Variants in LDB1 observed in about 807,000 individuals in gnomAD.
The protein encoded by LDB1 is LIM domain binding 1.
LDB1 carries 6 observed loss-of-function variants against 49.7 expected under a neutral mutation model. The ratio of observed to expected loss-of-function variants is 0.12; its 90% CI spans 0.07 to 0.24. LDB1 has a LOEUF of 0.24. Ranked by LOEUF, LDB1 falls within the 10% of genes least tolerant of loss-of-function variation. The pLI, the probability that LDB1 is intolerant of heterozygous loss-of-function variation, is 1.00. For missense variants in LDB1, 341 were observed against 561.7 expected (o/e 0.61, Z 3.97); for synonymous variants, 233 against 202.0 (o/e 1.15, Z -1.30).
At chr10:102,108,450 G>A (rs982204676) in intron 10 of LDB1, 127 bp from the exon 11 acceptor site, 28 of 664,506 alleles carry the variant, frequency 4.2e-5, no homozygotes, top group African/African-American at 3.7e-4. Flanking sequence ...CCTCATACCC[G>A]AATTTAAAAC....
Position 102,111,066 on chromosome 10 carries a change from T to A in LDB1, c.249+3A>T. On this transcript the variant is annotated splice_donor_region_variant and intron_variant, in intron 4 of 10. Coordinates refer to ENST00000673968, the MANE Select transcript of LDB1 (RefSeq NM_001113407.3). ...CTCCCAGCCCCTTTTCCCTTGGCCA[T>A]ACCTCTGTCCAGTTCTGAAGCCGTT... 1 of 1,613,810 alleles carries A rather than the reference T, an allele frequency of 6.2e-7. No individual in the cohort carries two copies. The highest frequency in any genetic ancestry group is 8.5e-7 in the Non-Finnish European group (1 of 1,179,670).
Position 102,120,183 on chromosome 10 carries a change from AGCC to A in LDB1, c.-76_-74del, listed in dbSNP as rs898836319. 2.5e-5 allele frequency: 28 copies of A among 1,141,834 alleles called. No individual in the cohort carries two copies. Among genetic ancestry groups the A allele is most frequent in the Admixed American group, 9.8e-5 (2 of 20,390 alleles). The allele number at this position is 1,141,834 out of a possible 1,614,324, so 70.7% of individuals were successfully genotyped here. A position where few individuals can be genotyped will look rare whatever the true frequency, so the allele number is the denominator to read the frequency against. ...CCCTCGCGGGGACAGGCCGGGCATGAGCCGCCGCCGCCGCCCGCGGCCCCCGCT... is the reference window on the plus strand; with the variant it reads ...CCCTCGCGGGGACAGGCCGGGCATGAGCCGCCGCCGCCCGCGGCCCCCGCT... On this transcript the variant is annotated 5_prime_UTR_variant, in exon 1 of 11. Coordinates refer to ENST00000673968, the MANE Select transcript of LDB1 (RefSeq NM_001113407.3).
Position 102,107,977 on chromosome 10 carries a change from G to T in LDB1, c.*116C>A. ...GAGAGTCCAGTTCCTCCCTGAAGCGGGTGGATGGAGGCTGCCCATTTTAGA... is the reference window on the plus strand; with the variant it reads ...GAGAGTCCAGTTCCTCCCTGAAGCGTGTGGATGGAGGCTGCCCATTTTAGA... On this transcript the variant is annotated 3_prime_UTR_variant, in exon 11 of 11. Transcript: ENST00000673968. 1.2e-6 allele frequency: 1 copy of T among 845,020 alleles called. No individual in the cohort carries two copies. The highest frequency in any genetic ancestry group is 1.9e-6 in the Non-Finnish European group (1 of 517,638). The allele number at this position is 845,020 out of a possible 1,614,324, so 52.3% of individuals were successfully genotyped here.
In LDB1 at chr10:102,117,352, A is replaced by C. The variant is rs1020014948; in HGVS notation, c.25+2734T>G. Among the ~76,000 whole-genome samples, 1 of 152,226 alleles carries C rather than the reference A, an allele frequency of 6.6e-6. No individual in the cohort carries two copies. The highest frequency in any genetic ancestry group is 1.5e-5 in the Non-Finnish European group (1 of 68,034). ...GCTCTGACCAGATTTACCCAGTTGC[A>C]CAGGGGCAGAACAGGTCCAGCTAAA... On this transcript the variant is annotated intron_variant, in intron 1 of 10. Coordinates refer to ENST00000673968, the MANE Select transcript of LDB1 (RefSeq NM_001113407.3). The surrounding 1 kb of genome is among the most constrained non-coding windows in gnomAD (Gnocchi z 4.2).
At position 102,110,990 on chromosome 10, in the gene LDB1, G is replaced by A. The variant is rs1192224998; in HGVS notation, c.250-19C>T. On this transcript the variant is annotated intron_variant, in intron 4 of 10. Transcript: ENST00000673968. ...CACACTCCTAGGGAGCATGGTAACG[G>A]GTGTTCATGTGTCATAAGATATCCC... 6.2e-7 allele frequency: 1 copy of A among 1,612,062 alleles called. No individual in the cohort carries two copies. The highest frequency in any genetic ancestry group is 1.7e-5 in the Admixed American group (1 of 60,000).
rs188642585 is a variant in LDB1, at chr10:102,110,001, C to T, written c.568G>A (p.Asp190Asn). 7 of 1,613,446 alleles carry T rather than the reference C, an allele frequency of 4.3e-6. No individual in the cohort carries two copies. In the Admixed American group the frequency reaches 8.3e-5, roughly 19 times the overall value. Residue 190 changes from aspartate (D) to asparagine (N), a missense_variant, in exon 7 of 11, where the codon GAC (aspartate) becomes AAC (asparagine). Transcript: ENST00000673968. ...GRLYLEFMFD[D>N]MMRIKTWHFS... Reference sequence around the variant, plus strand: ...TGCCACGTCTTTATCCGCATCATGTCGTCAAACATGAACTCCAGGTACAAC... The same window carrying T: ...TGCCACGTCTTTATCCGCATCATGTTGTCAAACATGAACTCCAGGTACAAC...
At position 102,109,624 on chromosome 10, in the gene LDB1, G is replaced by A. The variant is rs2068220478; in HGVS notation, c.708C>T (p.Ser236=). The change falls in exon 8 of 11, where the codon TCC becomes TCT. Residue 236 remains serine (S), a synonymous_variant. Transcript: ENST00000673968. This position sits in a 1 kb window ranked among gnomAD's most constrained non-coding sequence, Gnocchi z 5.8. ...LSKNITRCGL[S]NSTLNYLRLC... is the part of the protein sequence containing the mutation. ...CTCGGAGGTAGTTGAGAGTGGAATT[G>A]GACAGCCCACACCGAGTGATGTTTT... 1 of 1,614,068 alleles carries A rather than the reference G, an allele frequency of 6.2e-7. No homozygotes were observed. Among genetic ancestry groups the A allele is most frequent in the Non-Finnish European group, 8.5e-7 (1 of 1,179,994 alleles).
Position 102,110,900 on chromosome 10 carries a change from A to G in LDB1, c.321T>C (p.Thr107=). The G allele has an allele frequency of 6.2e-7, 1 of 1,614,082 alleles. No homozygotes were observed. Among genetic ancestry groups the G allele is most frequent in the Non-Finnish European group, 8.5e-7 (1 of 1,179,992 alleles). Residue 107 remains threonine, a synonymous_variant, in exon 5 of 11, where the codon ACT becomes ACC. Transcript: ENST00000673968. ...TCTTTGGTCCATCCTCCAGGCAGAA[A>G]GTGATGGTCAACATGGCATCATCCT... is the stretch of plus-strand genomic sequence containing the variant. The part of the protein sequence containing the change: ...FFEDDAMLTI[T]FCLEDGPKRY...
In LDB1 at chr10:102,109,775, A is replaced by G; in HGVS notation, c.649-92T>C. The stretch of plus-strand genomic sequence containing the variant: ...ATCTGAGCATTGTGACACTCCTGAG[A>G]GAGGATAGTCTCTTATTAAACCTGC... On this transcript the variant is annotated intron_variant, in intron 7 of 10. Coordinates refer to ENST00000673968, the MANE Select transcript of LDB1 (RefSeq NM_001113407.3). This position sits in a 1 kb window ranked among gnomAD's most constrained non-coding sequence, Gnocchi z 5.8. 1 of 1,542,870 alleles carries G rather than the reference A, an allele frequency of 6.5e-7. No individual in the cohort carries two copies. Among genetic ancestry groups the G allele is most frequent in the Non-Finnish European group, 8.9e-7 (1 of 1,117,756 alleles).
At chr10:102,103,684 C>CG (rs1564908347), downstream of LDB1, among the ~76,000 whole-genome samples, 1 of 151,926 alleles carries the variant, frequency 6.6e-6, no homozygotes, top group Non-Finnish European at 1.5e-5. Context: ...CATGGTGGTG[C>CG]GCACCTGTAG....
intron 1 of LDB1, among the ~76,000 whole-genome samples, chr10:102,119,620 T>C (rs2068383769): frequency 6.6e-6 from 1 of 150,990 alleles, no homozygotes; most frequent in Admixed American, 6.6e-5. Flanking sequence ...CCGCAATCAA[T>C]ACCTCCCTGC....
At chr10:102,102,696 G>T (rs2068129588), downstream of LDB1, among the ~76,000 whole-genome samples, 1 of 152,182 alleles carries the variant, frequency 6.6e-6, no homozygotes, top group African/African-American at 2.4e-5. Context: ...ATGACCTTAG[G>T]GTGGGGGTTA....
In LDB1 at chr10:102,120,341, C is replaced by T; in HGVS notation, c.-231G>A. On this transcript the variant is annotated 5_prime_UTR_variant, in exon 1 of 11. Transcript: ENST00000673968. ...AAGGCGAGCGGCCTCTGCGTGTGTG[C>T]GCGCGGGTGTGAGTCCGCGGAGTGT... The T allele has an allele frequency of 1.0e-6, 1 of 984,406 alleles. No homozygotes were observed. Among genetic ancestry groups the T allele is most frequent in the South Asian group, 4.7e-5 (1 of 21,286 alleles). 61.0% of individuals were successfully genotyped at this position (984,406 alleles called of 1,614,324 possible). A position where few individuals can be genotyped will look rare whatever the true frequency, so the allele number is the denominator to read the frequency against.
downstream of LDB1, among the ~76,000 whole-genome samples, chr10:102,105,909 G>A (rs2068154704): frequency 6.6e-6 from 1 of 151,990 alleles, no homozygotes; most frequent in Admixed American, 6.6e-5. Context: ...CCCAGGAAGT[G>A]GAGGTTGCAG....
chr10:102,105,506 G>A (rs866120417), downstream of LDB1, among the ~76,000 whole-genome samples: 47 of 152,122 alleles, frequency 3.1e-4, no homozygotes, highest in African/African-American at 1.1e-3. Flanking sequence ...CCCCTGCCTG[G>A]GATGACAAAG....
chr10:102,114,812 G>GGGGGGGGCCCCCCCCC, intron 1 of LDB1: 1 of 929,818 alleles, frequency 1.1e-6, no homozygotes, highest in Non-Finnish European at 1.3e-6. Flanking sequence ...CCTCCGAGCA[G>GGGGGGGGCCCCCCCCC]CCCGCCCGCC....
intron 1 of LDB1, among the ~76,000 whole-genome samples, chr10:102,116,931 T>G (rs2068342407): frequency 6.9e-6 from 1 of 144,180 alleles, no homozygotes; most frequent in Non-Finnish European, 1.5e-5. Context: ...CCTCAAGAGA[T>G]CCTCATAGCA....
rs1158016316 is a variant in LDB1, at chr10:102,109,290, C to T, written c.856+94G>A. ...GATCCCAATTTTGTAGACCCGGGAA[C>T]AAGGAAGGGGTGGGGAAAACTTCAA... On this transcript the variant is annotated intron_variant, in intron 9 of 10. Transcript: ENST00000673968. This position sits in a 1 kb window ranked among gnomAD's most constrained non-coding sequence, Gnocchi z 5.8. The T allele has an allele frequency of 6.2e-7, 1 of 1,603,328 alleles. No homozygotes were observed. The highest frequency in any genetic ancestry group is 1.3e-5 in the African/African-American group (1 of 74,526).
intron 1 of LDB1, among the ~76,000 whole-genome samples, chr10:102,118,029 C>A (rs553933791): frequency 6.6e-6 from 1 of 152,172 alleles, no homozygotes; most frequent in African/African-American, 2.4e-5. Flanking sequence ...GGCAGGCAGG[C>A]AGGCGGCAGG....
Sources: gnomAD v4.1 joint callset for allele counts (sites outside exome capture counted in the v4.1 genomes callset) on GRCh38, gnomAD v4.1.1 for gene constraint, Gnocchi (gnomAD v3.1) non-coding constraint, MANE v1.5 for transcripts, NCBI Gene and HGNC (gene_info 2026-07-23, HGNC 2026-07-21) for gene names.